Variants in SKIC3 observed in about 807,000 individuals in gnomAD.
The protein encoded by SKIC3 is SKI3 subunit of superkiller complex.
the SKIC3 span, among the ~76,000 whole-genome samples, chr5:95,546,398 TCAAACCTCCTAAC>T: frequency 2.6e-5 from 4 of 150,960 alleles, no homozygotes; most frequent in Non-Finnish European, 5.9e-5. Flanking sequence ...TTCTGCTATC[TCAAACCTCCTAAC>T]CAATAACCAA....
the SKIC3 span, among the ~76,000 whole-genome samples, chr5:95,489,446 G>C: frequency 6.6e-6 from 1 of 150,544 alleles, no homozygotes; most frequent in Admixed American, 6.6e-5. Context: ...CCATAAAGCA[G>C]TATAGTGTTA....
the SKIC3 span, chr5:95,529,390 T>C: frequency 2.3e-6 from 1 of 443,838 alleles, no homozygotes; most frequent in Non-Finnish European, 4.2e-6. Flanking sequence ...AAAAGACAAA[T>C]CAGATTATAA....
the SKIC3 span, among the ~76,000 whole-genome samples, chr5:95,471,241 A>G: frequency 2.0e-5 from 3 of 152,220 alleles, no homozygotes; most frequent in Non-Finnish European, 4.4e-5. Flanking sequence ...AAAAACCAGT[A>G]ACATAAAACT....
chr5:95,537,177 C>T, the SKIC3 span: 3 of 1,533,938 alleles, frequency 2.0e-6, no homozygotes, highest in Non-Finnish European at 2.7e-6. Context: ...CTGTATCATA[C>T]TTAAATGACA....
At chr5:95,525,742 TAACG>T in the SKIC3 span, 1 of 1,446,176 alleles carries the variant, frequency 6.9e-7, no homozygotes, top group Admixed American at 1.7e-5. Flanking sequence ...TTGCTTTAAT[TAACG>T]AACGAACACA....
chr5:95,545,763 A>G, the SKIC3 span, among the ~76,000 whole-genome samples: 1 of 152,208 alleles, frequency 6.6e-6, no homozygotes, highest in Non-Finnish European at 1.5e-5. Flanking sequence ...TTGTTGCTAC[A>G]GTCTACCACC....
the SKIC3 span, among the ~76,000 whole-genome samples, chr5:95,530,871 A>G: frequency 4.6e-5 from 7 of 152,176 alleles, no homozygotes; most frequent in Admixed American, 4.6e-4. Context: ...AACATTATAT[A>G]TTTTGTAATA....
At chr5:95,546,658 T>C in the SKIC3 span, among the ~76,000 whole-genome samples, 1 of 152,154 alleles carries the variant, frequency 6.6e-6, no homozygotes, top group African/African-American at 2.4e-5. Flanking sequence ...CGAGTCCAAT[T>C]TCTCCCTCTG....
chr5:95,522,407 G>C, the SKIC3 span: 1 of 1,420,886 alleles, frequency 7.0e-7, no homozygotes, highest in East Asian at 2.5e-5. Context: ...ATATATATCT[G>C]TGGCTCCTTC....
the SKIC3 span, among the ~76,000 whole-genome samples, chr5:95,525,242 T>C: frequency 1.3e-5 from 2 of 152,318 alleles, no homozygotes; most frequent in Middle Eastern, 3.4e-3. Flanking sequence ...CTGTACTACA[T>C]GCTAAATACA....
chr5:95,553,083 C>T, the SKIC3 span, among the ~76,000 whole-genome samples: 1 of 152,158 alleles, frequency 6.6e-6, no homozygotes, highest in Non-Finnish European at 1.5e-5. Context: ...GCTGGACAAT[C>T]CACTCAGCAG....
At chr5:95,517,643 T>C in the SKIC3 span, among the ~76,000 whole-genome samples, 1 of 152,130 alleles carries the variant, frequency 6.6e-6, no homozygotes, top group East Asian at 1.9e-4. Context: ...TATTAAAATG[T>C]TAAAACTATG....
the SKIC3 span, among the ~76,000 whole-genome samples, chr5:95,518,912 T>C: frequency 6.6e-6 from 1 of 151,984 alleles, no homozygotes; most frequent in Admixed American, 6.6e-5. Context: ...GCTACACTAG[T>C]TTGCATTCCC....
the SKIC3 span, among the ~76,000 whole-genome samples, chr5:95,470,274 G>T: frequency 6.6e-6 from 1 of 152,066 alleles, no homozygotes; most frequent in African/African-American, 2.4e-5. Context: ...CACCGCGCCC[G>T]GCCAACAATT....
At chr5:95,545,198 G>C in the SKIC3 span, among the ~76,000 whole-genome samples, 1 of 152,108 alleles carries the variant, frequency 6.6e-6, no homozygotes, top group Admixed American at 6.6e-5. Flanking sequence ...TAAACCTAGT[G>C]CTGAAGGAAA....
chr5:95,480,084 G>T, the SKIC3 span, among the ~76,000 whole-genome samples: 1 of 151,806 alleles, frequency 6.6e-6, no homozygotes, highest in African/African-American at 2.4e-5. Context: ...TATTCACAAA[G>T]ATTAATCCAG....
chr5:95,498,473 G>A, the SKIC3 span: 1 of 1,614,156 alleles, frequency 6.2e-7, no homozygotes, highest in South Asian at 1.1e-5. Flanking sequence ...CTGTCTTTGT[G>A]TTTGATGTGC....
the SKIC3 span, chr5:95,503,042 A>G: frequency 6.2e-7 from 1 of 1,612,092 alleles, no homozygotes; most frequent in Non-Finnish European, 8.5e-7. Context: ...ACAATATAAA[A>G]GCCATCCTGA....
At chr5:95,509,370 C>A in the SKIC3 span, among the ~76,000 whole-genome samples, 4 of 152,148 alleles carry the variant, frequency 2.6e-5, no homozygotes, top group Non-Finnish European at 5.9e-5. Flanking sequence ...AAAAAAACCT[C>A]TCAGCAAAGC....
Sources: gnomAD v4.1 joint callset for allele counts (sites outside exome capture counted in the v4.1 genomes callset) on GRCh38, gnomAD v4.1.1 for gene constraint, MANE v1.5 for transcripts, NCBI Gene and HGNC (gene_info 2026-07-23, HGNC 2026-07-21) for gene names.